Variants in RAB11FIP3 observed in about 807,000 individuals in gnomAD.
RAB11FIP3 encodes the protein RAB11 family interacting protein 3, also known as rab11 family-interacting protein 3.
In RAB11FIP3, 17 loss-of-function variants were observed where a neutral mutation model predicts 77.8. That is an observed-to-expected ratio of 0.22 (90% CI 0.15 to 0.33). RAB11FIP3 has a LOEUF of 0.33. RAB11FIP3 is among the 10% of genes least tolerant of loss of function. The probability of loss-of-function intolerance (pLI) is 1.00; values close to 1 mark genes in which losing one functional copy is unlikely to be tolerated. For synonymous variants in RAB11FIP3, 437 were observed against 448.2 expected, an observed-to-expected ratio of 0.98 and a Z score of 0.31; for missense variants, 1,005 against 1,011.2, an observed-to-expected ratio of 0.99 and a Z score of 0.08.
At chr16:480,923 G>C (rs1213180964) in intron 3 of RAB11FIP3, among the ~76,000 whole-genome samples, 1 of 112,264 alleles carries the variant, frequency 8.9e-6, no homozygotes, top group Non-Finnish European at 2.2e-5. Context: ...CAATTTGCCT[G>C]CCTCAGCCTC....
chr16:475,585 C>T (rs1185091069), intron 3 of RAB11FIP3, among the ~76,000 whole-genome samples: 1 of 152,198 alleles, frequency 6.6e-6, no homozygotes, highest in African/African-American at 2.4e-5. Context: ...ACTGCAGAAA[C>T]CAACCCGCAG....
chr16:512,249 G>T (rs1164466798), intron 9 of RAB11FIP3, among the ~76,000 whole-genome samples: 1 of 151,276 alleles, frequency 6.6e-6, no homozygotes, highest in Non-Finnish European at 1.5e-5. Context: ...GGGTGGGGGT[G>T]GGTGGGTTTG....
At chr16:515,121 G>A (rs1369460595) in intron 9 of RAB11FIP3, among the ~76,000 whole-genome samples, 2 of 152,238 alleles carry the variant, frequency 1.3e-5, no homozygotes, top group African/African-American at 4.8e-5. Flanking sequence ...AGGAAAGAAA[G>A]AGGGGTCAGG....
Position 471,826 on chromosome 16 carries a change from G to A in RAB11FIP3, c.903+437G>A, listed in dbSNP as rs536375716. The stretch of plus-strand genomic sequence containing the variant: ...GCCAGGGTTGTCATGGTGACGTGGC[G>A]TCTCCTGTGTCTCCTGTCACTGTGG... On this transcript the variant is annotated intron_variant, in intron 3 of 13. Coordinates refer to ENST00000262305, the MANE Select transcript of RAB11FIP3 (RefSeq NM_014700.4). The surrounding 1 kb of genome is among the most constrained non-coding windows in gnomAD (Gnocchi z 4.4). 6.4e-4 allele frequency among the ~76,000 whole-genome samples: 98 copies of A among 152,298 alleles called. No individual in the cohort carries two copies. Among genetic ancestry groups the A allele is most frequent in the African/African-American group, 2.1e-3 (87 of 41,570 alleles).
intron 10 of RAB11FIP3, 75 bp from the exon 11 acceptor site, chr16:519,679 G>C: frequency 6.4e-7 from 1 of 1,556,330 alleles, no homozygotes; most frequent in East Asian, 2.3e-5. Flanking sequence ...AGATTGGAGG[G>C]ACAGACGGCC....
In RAB11FIP3 at chr16:427,853, AC is replaced by A. The variant is rs574340810; in HGVS notation, c.714+1134del. ...GGTGGCTCATGCCTGTAATCCCAGC[AC>A]TTTAGGAGGCCGAGGCGGGCGGATC... On this transcript the variant is annotated intron_variant, in intron 1 of 13. Coordinates refer to ENST00000262305, the MANE Select transcript of RAB11FIP3 (RefSeq NM_014700.4). 1.6e-3 allele frequency among the ~76,000 whole-genome samples: 242 copies of A among 152,068 alleles called. 2 individuals carry two copies. Among genetic ancestry groups the A allele is most frequent in the African/African-American group, 5.5e-3 (228 of 41,406 alleles).
intron 1 of RAB11FIP3, among the ~76,000 whole-genome samples, chr16:459,033 A>G (rs1367449304): frequency 6.6e-6 from 1 of 152,234 alleles, no homozygotes; most frequent in East Asian, 1.9e-4. Flanking sequence ...GTGTCTAAAA[A>G]GCAGTGCTCT....
At chr16:493,627 G>C (rs1044839135) in intron 5 of RAB11FIP3, among the ~76,000 whole-genome samples, 1 of 152,046 alleles carries the variant, frequency 6.6e-6, no homozygotes, top group African/African-American at 2.4e-5. Context: ...TTTTTTTTGA[G>C]ACAGAGTCTC....
intron 6 of RAB11FIP3, among the ~76,000 whole-genome samples, chr16:500,144 G>C (rs2031411144): frequency 6.6e-6 from 1 of 152,214 alleles, no homozygotes; most frequent in South Asian, 2.1e-4. Flanking sequence ...TGTGTGTGCA[G>C]AGACCGGGGG....
intron 9 of RAB11FIP3, among the ~76,000 whole-genome samples, chr16:517,484 C>T (rs1487564804): frequency 6.6e-6 from 1 of 152,132 alleles, no homozygotes; most frequent in Non-Finnish European, 1.5e-5. Flanking sequence ...AGGAGGATCT[C>T]CTGAGCCCGG....
intron 11 of RAB11FIP3, 108 bp downstream of exon 11, chr16:519,999 G>A (rs1053015924): frequency 4.5e-5 from 68 of 1,516,154 alleles, no homozygotes; most frequent in Middle Eastern, 2.3e-4. Flanking sequence ...GGGCATAGCC[G>A]CTGGTGTGTG....
chr16:456,345 T>G (rs904366348), intron 1 of RAB11FIP3, among the ~76,000 whole-genome samples: 1 of 148,550 alleles, frequency 6.7e-6, no homozygotes, highest in Non-Finnish European at 1.5e-5. Context: ...GAGGCTGAGG[T>G]GGGAGAATCG....
chr16:497,100 C>A, intron 6 of RAB11FIP3: 1 of 548,700 alleles, frequency 1.8e-6, no homozygotes. Flanking sequence ...TGGTGCTGGG[C>A]CTCTTGTGTG....
intron 1 of RAB11FIP3, among the ~76,000 whole-genome samples, chr16:454,221 A>G (rs2055458066): frequency 6.6e-6 from 1 of 152,146 alleles, no homozygotes; most frequent in African/African-American, 2.4e-5. Context: ...TCAACTGCCA[A>G]GCATAACCCC....
At position 510,524 on chromosome 16, in the gene RAB11FIP3, CG is replaced by C. The variant is rs2032091592; in HGVS notation, c.1500-132del. On this transcript the variant is annotated intron_variant, in intron 8 of 13. Transcript: ENST00000262305. ...CTTCAGAACTGCCTTGACCAGAGCTCGGGGATGCCCTTCTCGGTGCCCTACT... is the reference window on the plus strand; with the variant it reads ...CTTCAGAACTGCCTTGACCAGAGCTCGGGATGCCCTTCTCGGTGCCCTACT... The C allele has an allele frequency of 9.8e-6, 10 of 1,022,242 alleles. No homozygotes were observed. In the South Asian group the frequency reaches 1.7e-4, roughly 17 times the overall value. The allele number at this position is 1,022,242 out of a possible 1,614,324, so 63.3% of individuals were successfully genotyped here.
intron 8 of RAB11FIP3, among the ~76,000 whole-genome samples, chr16:508,579 G>A (rs1432205341): frequency 2.6e-5 from 4 of 152,150 alleles, no homozygotes; most frequent in African/African-American, 9.7e-5. Flanking sequence ...TCACCATGTT[G>A]GCCAGGCCGG....
intron 1 of RAB11FIP3, among the ~76,000 whole-genome samples, chr16:442,307 T>C (rs549524649): frequency 1.3e-5 from 2 of 152,344 alleles, no homozygotes; most frequent in East Asian, 3.9e-4. Context: ...ACCCAGCTTA[T>C]GATGCTGGTT....
intron 9 of RAB11FIP3, among the ~76,000 whole-genome samples, chr16:511,495 ACGGCCCGC>A (rs1567406889): frequency 8.8e-6 from 1 of 114,112 alleles, no homozygotes; most frequent in African/African-American, 3.7e-5. Flanking sequence ...AAGTTCCCCG[ACGGCCCGC>A]CAACCCCAGA....
chr16:513,589 C>T (rs1025205700), intron 9 of RAB11FIP3, among the ~76,000 whole-genome samples: 1 of 152,226 alleles, frequency 6.6e-6, no homozygotes, highest in African/African-American at 2.4e-5. Flanking sequence ...AGCCACCTCA[C>T]GTGGCTTTTT....
Sources: allele counts gnomAD v4.1 joint callset (sites outside exome capture counted in the v4.1 genomes callset), GRCh38; gene constraint gnomAD v4.1.1; non-coding constraint Gnocchi (gnomAD v3.1); transcripts MANE v1.5; gene names NCBI Gene and HGNC (gene_info 2026-07-23, HGNC 2026-07-21).